The following CSMD3 variants were observed in gnomAD, a reference collection of about 807,000 sequenced individuals.
The protein encoded by CSMD3 is CUB and sushi domain-containing protein 3.
A neutral mutation model predicts 435.2 loss-of-function variants in CSMD3; 177 were observed. The observed-to-expected ratio is 0.41, with a 90% CI of 0.36 to 0.46. The LOEUF is 0.46. CSMD3 is among the 20% of genes least tolerant of loss of function. The probability of loss-of-function intolerance (pLI) is 0.34; values close to 1 mark genes in which losing one functional copy is unlikely to be tolerated. For synonymous variants in CSMD3, 1,656 were observed against 1,520.5 expected, an observed-to-expected ratio of 1.09 and a Z score of -2.07; for missense variants, 4,265 against 4,504.6, an observed-to-expected ratio of 0.95 and a Z score of 1.52.
At chr8:112,925,743 A>G (rs1564111374) in intron 9 of CSMD3, among the ~76,000 whole-genome samples, 1 of 152,158 alleles carries the variant, frequency 6.6e-6, no homozygotes, top group African/African-American at 2.4e-5. Flanking sequence ...CTACCTTACT[A>G]TTTTATCTTA....
At chr8:113,311,322 T>C (rs2132652287) in intron 2 of CSMD3, 1 of 152,182 alleles carries the variant, frequency 6.6e-6, no homozygotes, top group East Asian at 1.9e-4. Flanking sequence ...ATATCATTAA[T>C]CATTGGAGGC....
chr8:113,406,299 G>A (rs2129703256), intron 1 of CSMD3, among the ~76,000 whole-genome samples: 1 of 151,954 alleles, frequency 6.6e-6, no homozygotes, highest in South Asian at 2.1e-4. Flanking sequence ...TAAGGGCTGT[G>A]ATAGATTTGG....
Position 112,492,496 on chromosome 8 carries a change from A to AG in CSMD3, c.5270_5271insC (p.Cys1758LeufsTer30). On this transcript the variant is annotated frameshift_variant, in exon 31 of 71. Coordinates refer to ENST00000297405, the MANE Select transcript of CSMD3 (RefSeq NM_198123.2). LOFTEE classifies it high-confidence loss of function. The stretch of plus-strand genomic sequence containing the variant: ...AAAAAATATGTTCCTTACCATGACA[A>AG]CTTGGCAAGGCTCTATTCCATCCAG... 3.1e-6 allele frequency: 5 copies of AG among 1,613,282 alleles called. No homozygotes were observed. Among genetic ancestry groups the AG allele is most frequent in the Non-Finnish European group, 4.2e-6 (5 of 1,179,226 alleles).
intron 3 of CSMD3, among the ~76,000 whole-genome samples, chr8:113,252,762 T>C (rs1287261184): frequency 6.6e-6 from 1 of 152,206 alleles, no homozygotes; most frequent in Non-Finnish European, 1.5e-5. Context: ...CACATGGAGA[T>C]ATTCTGCAGA....
chr8:113,396,840 T>C (rs948696594), intron 1 of CSMD3, among the ~76,000 whole-genome samples: 1 of 152,092 alleles, frequency 6.6e-6, no homozygotes, highest in South Asian at 2.1e-4. Context: ...CTACCAGATA[T>C]ATTATTTATT....
At chr8:113,197,580 T>C (rs1034502938) in intron 3 of CSMD3, among the ~76,000 whole-genome samples, 1 of 151,290 alleles carries the variant, frequency 6.6e-6, no homozygotes, top group Non-Finnish European at 1.5e-5. Context: ...ATAAAAGTAA[T>C]GTATATTTAC....
intron 6 of CSMD3, among the ~76,000 whole-genome samples, chr8:113,003,809 C>T (rs1196380821): frequency 2.0e-5 from 3 of 151,944 alleles, no homozygotes; most frequent in South Asian, 2.1e-4. Context: ...CAACTTAAAT[C>T]GCACAAGAGA....
chr8:112,330,784 G>T (rs2130922511), intron 45 of CSMD3, among the ~76,000 whole-genome samples: 1 of 152,074 alleles, frequency 6.6e-6, no homozygotes, highest in East Asian at 1.9e-4. Flanking sequence ...GAACAATTAG[G>T]TTTATATACC....
At chr8:112,349,876 T>C (rs1825990403) in intron 40 of CSMD3, among the ~76,000 whole-genome samples, 1 of 152,060 alleles carries the variant, frequency 6.6e-6, no homozygotes, top group African/African-American at 2.4e-5. Flanking sequence ...CTTAATTATG[T>C]CCCCCCAAAA....
chr8:113,105,109 A>C (rs2090435464), intron 4 of CSMD3, among the ~76,000 whole-genome samples: 1 of 152,026 alleles, frequency 6.6e-6, no homozygotes, highest in African/African-American at 2.4e-5. Flanking sequence ...TGGAGAAAAA[A>C]ATATTTAAAT....
intron 13 of CSMD3, among the ~76,000 whole-genome samples, chr8:112,727,253 A>T (rs2076985590): frequency 6.6e-6 from 1 of 151,910 alleles, no homozygotes; most frequent in Non-Finnish European, 1.5e-5. Context: ...AAAATGTATC[A>T]AAAAGATAAG....
intron 1 of CSMD3, among the ~76,000 whole-genome samples, chr8:113,327,467 C>A (rs998713455): frequency 2.0e-5 from 3 of 151,994 alleles, no homozygotes; most frequent in African/African-American, 4.8e-5. Flanking sequence ...CTGAACCTTA[C>A]TAATAATGGC....
At chr8:112,325,499 T>C (rs564611489) in intron 45 of CSMD3, among the ~76,000 whole-genome samples, 1 of 152,152 alleles carries the variant, frequency 6.6e-6, no homozygotes, top group Non-Finnish European at 1.5e-5. Context: ...TATACTAGAA[T>C]GTAAATTCCA....
intron 10 of CSMD3, among the ~76,000 whole-genome samples, chr8:112,882,218 A>G (rs189821692): frequency 6.6e-6 from 1 of 152,084 alleles, no homozygotes; most frequent in East Asian, 2.0e-4. Context: ...AGTCTCAAGC[A>G]AAAATCTGCC....
At position 112,506,757 on chromosome 8, in the gene CSMD3, T is replaced by G; in HGVS notation, c.4829A>C (p.His1610Pro). The G allele has an allele frequency of 6.2e-7, 1 of 1,613,632 alleles. No individual in the cohort carries two copies. The highest frequency in any genetic ancestry group is 8.5e-7 in the Non-Finnish European group (1 of 1,179,558). The change falls in exon 29 of 71, where the codon CAT becomes CCT. Residue 1610 changes from histidine to proline, a missense_variant. Transcript: ENST00000297405. ...LSPNFPHPYP[H>P]SRDCDWTITV... ...GATAGTCCAGTCACAGTCTCTGCTA[T>G]GCGGATATGGATGAGGGAAGTTTGG...
At chr8:112,634,455 T>C (rs1236197616) in intron 22 of CSMD3, among the ~76,000 whole-genome samples, 1 of 152,018 alleles carries the variant, frequency 6.6e-6, no homozygotes, top group Non-Finnish European at 1.5e-5. Context: ...TTTATTAAGG[T>C]CAATTGAATT....
intron 5 of CSMD3, among the ~76,000 whole-genome samples, chr8:113,090,297 GA>G (rs2089959505): frequency 6.6e-6 from 1 of 152,096 alleles, no homozygotes; most frequent in East Asian, 1.9e-4. Context: ...CCTAAATCAA[GA>G]AATTATATTT....
At chr8:112,834,822 AG>A (rs1179402323) in intron 11 of CSMD3, among the ~76,000 whole-genome samples, 2 of 151,898 alleles carry the variant, frequency 1.3e-5, no homozygotes, top group African/African-American at 4.8e-5. Context: ...TAGTGTAAAA[AG>A]AATGCCATAC....
intron 2 of CSMD3, chr8:113,311,667 T>C (rs2093870124): frequency 2.0e-5 from 3 of 152,134 alleles, no homozygotes; most frequent in Admixed American, 6.6e-5. Context: ...TTTCGACTTC[T>C]AATCAAACAG....
Sources: gnomAD v4.1 joint callset for allele counts (sites outside exome capture counted in the v4.1 genomes callset) on GRCh38, gnomAD v4.1.1 for gene constraint, MANE v1.5 for transcripts, NCBI Gene and HGNC (gene_info 2026-07-23, HGNC 2026-07-21) for gene names.